Variants in PIK3C3 observed in about 807,000 individuals in gnomAD.
PIK3C3 encodes phosphatidylinositol 3-kinase catalytic subunit type 3, also known as PI3-kinase type 3.
Under a neutral mutation model 126.1 loss-of-function variants are expected in PIK3C3, and 95 were observed. That is an observed-to-expected ratio of 0.75 (90% CI 0.64 to 0.89). The LOEUF is 0.89. PIK3C3 is among the 40% of genes least tolerant of loss of function. The pLI is 0.00. For synonymous variants in PIK3C3, 374 were observed against 360.0 expected, an observed-to-expected ratio of 1.04 and a Z score of -0.44; for missense variants, 829 against 1,063.2, an observed-to-expected ratio of 0.78 and a Z score of 3.06.
At chr18:41,973,429 C>CT (rs1387843216) in intron 4 of PIK3C3, among the ~76,000 whole-genome samples, 1 of 152,032 alleles carries the variant, frequency 6.6e-6, no homozygotes, top group Non-Finnish European at 1.5e-5. Context: ...AATTTACTCT[C>CT]TTACTCTTTA....
chr18:42,036,488 A>G (rs1056316644), intron 16 of PIK3C3, among the ~76,000 whole-genome samples: 5 of 150,770 alleles, frequency 3.3e-5, no homozygotes, highest in African/African-American at 1.2e-4. Context: ...TTTGTCTTAT[A>G]TAATTTCTTC....
At chr18:42,013,929 C>T (rs1982948725) in intron 11 of PIK3C3, among the ~76,000 whole-genome samples, 1 of 152,084 alleles carries the variant, frequency 6.6e-6, no homozygotes, top group South Asian at 2.1e-4. Flanking sequence ...GTTGTTTAAT[C>T]ATTAAGTGAA....
intron 22 of PIK3C3, among the ~76,000 whole-genome samples, chr18:42,063,916 T>C (rs1429363448): frequency 6.6e-6 from 1 of 152,100 alleles, no homozygotes; most frequent in Admixed American, 6.6e-5. Context: ...ATCCTGAAGA[T>C]CAAACCTGAA....
At chr18:42,000,520 G>C (rs924246340) in intron 9 of PIK3C3, among the ~76,000 whole-genome samples, 1 of 152,164 alleles carries the variant, frequency 6.6e-6, no homozygotes, top group Non-Finnish European at 1.5e-5. Context: ...ACAATGGCCA[G>C]GGGTTAGGCC....
chr18:42,064,890 TACA>T, intron 23 of PIK3C3, 60 bp downstream of exon 23: 1 of 878,420 alleles, frequency 1.1e-6, no homozygotes. Flanking sequence ...TATTCCAGAA[TACA>T]ACAACCTCTC....
intron 22 of PIK3C3, among the ~76,000 whole-genome samples, chr18:42,062,289 T>A (rs559553000): frequency 9.9e-5 from 15 of 151,550 alleles, no homozygotes; most frequent in South Asian, 2.1e-4. Context: ...GCTGCTGGCA[T>A]CACATTCCTT....
chr18:42,046,914 C>T (rs1984582532), intron 20 of PIK3C3, among the ~76,000 whole-genome samples: 1 of 152,100 alleles, frequency 6.6e-6, no homozygotes, highest in African/African-American at 2.4e-5. Context: ...GACCATCCAA[C>T]GTATTTATGA....
chr18:42,048,601 A>T (rs1433076023), intron 20 of PIK3C3, among the ~76,000 whole-genome samples: 1 of 152,218 alleles, frequency 6.6e-6, no homozygotes, highest in Non-Finnish European at 1.5e-5. Context: ...AGTACATTGT[A>T]ACTGTGATTA....
chr18:42,040,653 T>C, intron 18 of PIK3C3, 24 bp from the exon 19 acceptor site: 2 of 1,543,696 alleles, frequency 1.3e-6, no homozygotes, highest in Non-Finnish European at 8.9e-7. Context: ...CTATGCTTAA[T>C]GCAGTGCATA....
chr18:41,973,147 A>T (rs1049951212), intron 4 of PIK3C3, among the ~76,000 whole-genome samples: 14 of 152,250 alleles, frequency 9.2e-5, no homozygotes, highest in African/African-American at 3.1e-4. Flanking sequence ...TTATTATCTT[A>T]CTAGGGAATA....
intron 4 of PIK3C3, among the ~76,000 whole-genome samples, chr18:41,984,307 A>T (rs911533327): frequency 6.6e-6 from 1 of 152,104 alleles, no homozygotes; most frequent in Admixed American, 6.6e-5. Flanking sequence ...ATTGGAGATA[A>T]CTAGAAGTTG....
intron 21 of PIK3C3, among the ~76,000 whole-genome samples, chr18:42,051,610 A>G (rs112812340): frequency 0.011 from 1,645 of 152,282 alleles, 28 homozygotes; most frequent in African/African-American, 0.038. Flanking sequence ...CAATCTCCTT[A>G]ATAACCAAGA....
intron 9 of PIK3C3, among the ~76,000 whole-genome samples, chr18:41,999,454 A>G (rs770693763): frequency 6.6e-6 from 1 of 152,156 alleles, no homozygotes; most frequent in Non-Finnish European, 1.5e-5. Flanking sequence ...GTGTTCTTAT[A>G]AGGCTGTTTC....
At chr18:41,969,462 A>G (rs1399568088) in intron 3 of PIK3C3, among the ~76,000 whole-genome samples, 2 of 152,174 alleles carry the variant, frequency 1.3e-5, no homozygotes, top group Non-Finnish European at 2.9e-5. Flanking sequence ...TCATCTTTAT[A>G]TGTTCTTGGT....
chr18:42,034,039 A>C, intron 16 of PIK3C3, 82 bp downstream of exon 16: 1 of 906,878 alleles, frequency 1.1e-6, no homozygotes, highest in Non-Finnish European at 1.6e-6. Context: ...GAAAACTATT[A>C]CATTGCAGAG....
At position 42,029,774 on chromosome 18, in the gene PIK3C3, C is replaced by T. The variant is rs551705553; in HGVS notation, c.1707+333C>T. Among the ~76,000 whole-genome samples, 126 of 151,672 alleles carry T rather than the reference C, an allele frequency of 8.3e-4. 1 individual carries two copies. The highest frequency in any genetic ancestry group is 2.7e-3 in the African/African-American group (111 of 41,322). On this transcript the variant is annotated intron_variant, in intron 15 of 24. Coordinates refer to ENST00000262039, the MANE Select transcript of PIK3C3 (RefSeq NM_002647.4). Reference sequence around the variant, plus strand: ...GTCAGGCTGGTCTCAAACTCCTGACCGTAGGTGATCCACCCGCCTCAACCT... The same window carrying T: ...GTCAGGCTGGTCTCAAACTCCTGACTGTAGGTGATCCACCCGCCTCAACCT...
intron 22 of PIK3C3, among the ~76,000 whole-genome samples, chr18:42,062,992 C>T (rs1985383501): frequency 6.6e-6 from 1 of 152,090 alleles, no homozygotes; most frequent in South Asian, 2.1e-4. Context: ...GGTTCCTGTC[C>T]ACCTGGAAGT....
chr18:42,064,606 G>A, intron 22 of PIK3C3, 134 bp from the exon 23 acceptor site: 1 of 581,998 alleles, frequency 1.7e-6, no homozygotes, highest in Admixed American at 2.9e-5. Context: ...GATACCAACT[G>A]ATGAATTTTC....
In PIK3C3 at chr18:41,969,610, T is replaced by C. The variant is rs563900900; in HGVS notation, c.402-717T>C. On this transcript the variant is annotated intron_variant, in intron 3 of 24. Transcript: ENST00000262039. The stretch of plus-strand genomic sequence containing the variant: ...GAAATGTTTTTGTATGAATCTACTA[T>C]TGTATTCACTTTTAGAACATGCCTT... 1.8e-4 allele frequency among the ~76,000 whole-genome samples: 28 copies of C among 152,358 alleles called. No individual in the cohort carries two copies. In the Middle Eastern group the frequency reaches 0.017, roughly 93 times the overall value.
Sources: gnomAD v4.1 joint callset for allele counts (sites outside exome capture counted in the v4.1 genomes callset) on GRCh38, gnomAD v4.1.1 for gene constraint, MANE v1.5 for transcripts, NCBI Gene and HGNC (gene_info 2026-07-23, HGNC 2026-07-21) for gene names.